Variants in DLG2 observed in about 807,000 individuals in gnomAD.
DLG2 encodes discs large MAGUK scaffold protein 2.
Under a neutral mutation model 132.5 loss-of-function variants are expected in DLG2, and 45 were observed. The ratio of observed to expected loss-of-function variants is 0.34; its 90% confidence interval spans 0.27 to 0.44. The LOEUF (loss-of-function observed/expected upper bound fraction) is 0.44, where lower values mean the gene tolerates loss of function less well. Ranked by LOEUF, DLG2 falls within the 20% of genes least tolerant of loss-of-function variation. DLG2 has a pLI of 1.00. For missense variants in DLG2, 1,045 were observed against 1,196.9 expected (o/e 0.87, Z 1.87); for synonymous variants, 424 against 419.6 (o/e 1.01, Z -0.13).
chr11:83,497,533 TCAAAAA>T (rs138123753), intron 21 of DLG2, among the ~76,000 whole-genome samples: 26 of 78,228 alleles, frequency 3.3e-4, no homozygotes, highest in Middle Eastern at 8.3e-3. Flanking sequence ...AGACTTCGTC[TCAAAAA>T]CAAAAAACAA....
At chr11:84,548,645 GTATA>G (rs1203047256) in intron 6 of DLG2, among the ~76,000 whole-genome samples, 5 of 152,170 alleles carry the variant, frequency 3.3e-5, no homozygotes, top group Non-Finnish European at 5.9e-5. Context: ...ATTCCATGGT[GTATA>G]TGTGCCACAT....
At chr11:83,792,593 A>G (rs1219076633) in intron 17 of DLG2, among the ~76,000 whole-genome samples, 1 of 152,134 alleles carries the variant, frequency 6.6e-6, no homozygotes, top group Non-Finnish European at 1.5e-5. Context: ...TTATACAAAT[A>G]AGATCATGTT....
At chr11:84,786,048 A>G (rs1395451696) in intron 6 of DLG2, among the ~76,000 whole-genome samples, 2 of 152,172 alleles carry the variant, frequency 1.3e-5, no homozygotes, top group Admixed American at 6.5e-5. Context: ...CATATCTACT[A>G]TGCTATCATT....
At chr11:83,763,513 A>G (rs2094005060) in intron 18 of DLG2, among the ~76,000 whole-genome samples, 1 of 152,210 alleles carries the variant, frequency 6.6e-6, no homozygotes, top group African/African-American at 2.4e-5. Context: ...CTTATCATAA[A>G]TGCATAGAAA....
At chr11:85,239,089 G>T (rs968947731) in intron 4 of DLG2, among the ~76,000 whole-genome samples, 1 of 152,002 alleles carries the variant, frequency 6.6e-6, no homozygotes. Flanking sequence ...CTTGAACTTT[G>T]AGTGATCGCT....
At chr11:84,269,274 T>C (rs2154362945) in intron 7 of DLG2, among the ~76,000 whole-genome samples, 1 of 152,354 alleles carries the variant, frequency 6.6e-6, no homozygotes, top group African/African-American at 2.4e-5. Flanking sequence ...TCCAGGCATA[T>C]CGTAATTTCT....
chr11:85,398,204 G>A (rs549926547), intron 3 of DLG2, among the ~76,000 whole-genome samples: 1 of 152,102 alleles, frequency 6.6e-6, no homozygotes, highest in South Asian at 2.1e-4. Context: ...AATGAAGGCA[G>A]AAATAAAGAT....
intron 3 of DLG2, among the ~76,000 whole-genome samples, chr11:85,317,143 C>T (rs7131233): frequency 0.035 from 5,291 of 151,924 alleles, 142 homozygotes; most frequent in Admixed American, 0.048. Context: ...AAAGCTCTGA[C>T]GCAGGAAGCA....
intron 19 of DLG2, among the ~76,000 whole-genome samples, chr11:83,627,737 G>C (rs2062841589): frequency 6.6e-6 from 1 of 152,204 alleles, no homozygotes; most frequent in African/African-American, 2.4e-5. Context: ...CCAGTAATGG[G>C]ATGGCTAGGT....
chr11:84,857,884 C>A (rs888097898), intron 6 of DLG2, among the ~76,000 whole-genome samples: 1 of 151,762 alleles, frequency 6.6e-6, no homozygotes, highest in Non-Finnish European at 1.5e-5. Flanking sequence ...ATATTTGTAG[C>A]CACTAACTTT....
intron 18 of DLG2, among the ~76,000 whole-genome samples, chr11:83,749,683 G>A (rs531306783): frequency 1.3e-5 from 2 of 152,162 alleles, no homozygotes; most frequent in African/African-American, 4.8e-5. Context: ...ATCCTGAGGG[G>A]GTCTGATGAG....
chr11:84,212,096 A>G (rs2096763769), intron 8 of DLG2, among the ~76,000 whole-genome samples: 1 of 152,230 alleles, frequency 6.6e-6, no homozygotes, highest in Admixed American at 6.5e-5. Flanking sequence ...TTACTTTCAA[A>G]TGAAGTAATC....
At chr11:84,593,090 G>A (rs1012469714) in intron 6 of DLG2, among the ~76,000 whole-genome samples, 13 of 150,110 alleles carry the variant, frequency 8.7e-5, no homozygotes, top group Non-Finnish European at 1.5e-4. Flanking sequence ...CTGCACTCCA[G>A]CCTGGGCAAC....
At position 84,060,813 on chromosome 11, in the gene DLG2, T is replaced by TC. The variant is rs766868434; in HGVS notation, c.750-1330_750-1329insG. Among the ~76,000 whole-genome samples the TC allele has an allele frequency of 3.4e-3, 511 of 151,650 alleles. 1 individual carries two copies. The highest frequency in any genetic ancestry group is 6.1e-3 in the Non-Finnish European group (416 of 67,682). On this transcript the variant is annotated intron_variant, in intron 10 of 27. Transcript: ENST00000376104. ...GGGCCTCCTTTGCTTGATGCTTCTT[T>TC]TCCCCCACCACCACGCAGTCAGTTC... is the stretch of plus-strand genomic sequence containing the variant.
At chr11:84,851,698 G>T (rs2082186296) in intron 6 of DLG2, among the ~76,000 whole-genome samples, 1 of 151,894 alleles carries the variant, frequency 6.6e-6, no homozygotes, top group Admixed American at 6.6e-5. Context: ...CATTTGGTGT[G>T]AGTAAATCTC....
In DLG2 at chr11:84,099,045, C is replaced by T. The variant is rs375066503; in HGVS notation, c.627G>A (p.Gly209=). ...CAATACTGAATCCCAGGCCAGAATT[C>T]CCCTATAGAAACAAAAAGCAGATAT... ...YEFEEITLER[G]NSGLGFSIAG... Residue 209 remains glycine, a splice_region_variant and synonymous_variant, in exon 10 of 28, where the codon GGG becomes GGA. Coordinates refer to ENST00000376104, the MANE Select transcript of DLG2 (RefSeq NM_001142699.3). The T allele has an allele frequency of 4.3e-6, 7 of 1,612,748 alleles. No individual in the cohort carries two copies. The highest frequency in any genetic ancestry group is 5.9e-6 in the Non-Finnish European group (7 of 1,179,018).
At chr11:85,383,719 A>G (rs1347665241) in intron 3 of DLG2, among the ~76,000 whole-genome samples, 3 of 152,198 alleles carry the variant, frequency 2.0e-5, no homozygotes, top group Non-Finnish European at 4.4e-5. Context: ...CAGAAAAAGA[A>G]TACTTCAATG....
At chr11:85,282,131 A>T (rs2078269094) in intron 4 of DLG2, among the ~76,000 whole-genome samples, 1 of 151,832 alleles carries the variant, frequency 6.6e-6, no homozygotes, top group Non-Finnish European at 1.5e-5. Context: ...GACAAATATC[A>T]CTCATATATG....
intron 18 of DLG2, among the ~76,000 whole-genome samples, chr11:83,753,877 T>TC (rs2093519181): frequency 1.8e-5 from 1 of 54,472 alleles, no homozygotes; most frequent in African/African-American, 5.8e-5. Flanking sequence ...ATATATATGA[T>TC]ATATATCATA....
Sources: gnomAD v4.1 joint callset for allele counts (sites outside exome capture counted in the v4.1 genomes callset) on GRCh38, gnomAD v4.1.1 for gene constraint, MANE v1.5 for transcripts, NCBI Gene and HGNC (gene_info 2026-07-23, HGNC 2026-07-21) for gene names.